The following COL5A3 variants were observed in gnomAD, a reference collection of about 807,000 sequenced individuals.
COL5A3 encodes the protein collagen alpha-3(V) chain.
In COL5A3, 172 loss-of-function variants were observed where a neutral mutation model predicts 250.0. That is an observed-to-expected ratio of 0.69 (90% CI 0.61 to 0.78). The LOEUF is 0.78. Among genes scored for constraint, COL5A3 ranks in the 30% least tolerant of loss-of-function variants. COL5A3 has a pLI of 0.00. For synonymous variants in COL5A3, 937 were observed against 900.4 expected, an observed-to-expected ratio of 1.04 and a Z score of -0.73; for missense variants, 2,340 against 2,334.4, an observed-to-expected ratio of 1.00 and a Z score of -0.05.
intron 65 of COL5A3, 105 bp from the exon 66 acceptor site, chr19:9,960,995 C>T (rs1006072896): frequency 7.1e-7 from 1 of 1,399,698 alleles, no homozygotes; most frequent in Non-Finnish European, 9.8e-7. Flanking sequence ...CCACCCCCCC[C>T]ATGTCACCAT....
Position 9,960,005 on chromosome 19 carries a change from A to C in COL5A3, c.*406T>G. 4.5e-6 allele frequency: 1 copy of C among 220,512 alleles called. No homozygotes were observed. Among genetic ancestry groups the C allele is most frequent in the Non-Finnish European group, 9.2e-6 (1 of 109,232 alleles). 13.7% of individuals were successfully genotyped at this position (220,512 alleles called of 1,614,324 possible). ...GGGATCAGGAGACATCCAGTGCTTAACTCTGGGGAGGGGTAGCACCAAAAG... is the reference window on the plus strand; with the variant it reads ...GGGATCAGGAGACATCCAGTGCTTACCTCTGGGGAGGGGTAGCACCAAAAG... On this transcript the variant is annotated 3_prime_UTR_variant, in exon 67 of 67. Transcript: ENST00000264828.
rs780880167 is a variant in COL5A3 at position 10,001,831 on chromosome 19, C to T, written c.900G>A (p.Pro300=). 1.9e-5 allele frequency: 31 copies of T among 1,613,870 alleles called. 1 individual carries two copies. The Admixed American group carries it at 2.8e-4, about 15-fold the overall frequency. ...AGGTGACGACCAAAGGCGTGGGGGT[C>T]GGAGGCAGATTTGGAGCTGGAGTCT... ...KTETPAPNLP[P]TPTPLVVTST... Residue 300 remains proline (P), a synonymous_variant, in exon 7 of 67, where the codon CCG becomes CCA. Coordinates refer to ENST00000264828, the MANE Select transcript of COL5A3 (RefSeq NM_015719.4).
At chr19:10,002,649 G>A (rs2087381353) in intron 6 of COL5A3, among the ~76,000 whole-genome samples, 1 of 152,016 alleles carries the variant, frequency 6.6e-6, no homozygotes, top group South Asian at 2.1e-4. Flanking sequence ...GCACTAACTA[G>A]TGACTCTCCA....
intron 31 of COL5A3, among the ~76,000 whole-genome samples, chr19:9,983,526 AAAG>A (rs1274066712): frequency 3.2e-5 from 4 of 125,670 alleles, no homozygotes; most frequent in Non-Finnish European, 5.0e-5. Context: ...AAGCAAAAAG[AAAG>A]AAGAAAGAAA....
In COL5A3 at chr19:10,005,696, G is replaced by C. The variant is rs1568433628; in HGVS notation, c.456C>G (p.Val152=). The C allele has an allele frequency of 6.2e-7, 1 of 1,610,650 alleles. No homozygotes were observed. ...GGGTCACCATCTCACCATCTATGCTGACGGCCACACGGTGCCACCTGCAAG... is the reference window on the plus strand; with the variant it reads ...GGGTCACCATCTCACCATCTATGCTCACGGCCACACGGTGCCACCTGCAAG... ...LTDGRWHRVA[V]SIDGEMVTLV... Residue 152 remains valine (V), a synonymous_variant, in exon 4 of 67, where the codon GTC becomes GTG. Transcript: ENST00000264828.
chr19:9,996,674 G>A lies in COL5A3; in HGVS notation c.1279C>T (p.Pro427Ser). 4 of 1,606,832 alleles carry A rather than the reference G, an allele frequency of 2.5e-6. No individual in the cohort carries two copies. The highest frequency in any genetic ancestry group is 3.4e-6 in the Non-Finnish European group (4 of 1,178,116). Reference sequence around the variant, plus strand: ...ATCCCATCAATGCCGGGGATTCCTGGGAGGCCAGCAGGGCCCTGAGAGAGG... The same window carrying A: ...ATCCCATCAATGCCGGGGATTCCTGAGAGGCCAGCAGGGCCCTGAGAGAGG... ...DPGPPGPAGL[P>S]GIPGIDGIRG... The change falls in exon 12 of 67, where the codon CCA (proline) becomes TCA (serine). Residue 427 changes from proline (P) to serine (S), a missense_variant. By Grantham distance (74) the Pro-to-Ser change is moderately conservative (BLOSUM62 -1). This residue lies in a region of COL5A3 where 1,152 missense variants were observed against 1,146.3 expected (regional missense o/e 1.00). Transcript: ENST00000264828.
chr19:10,002,574 G>C (rs150725329), intron 6 of COL5A3, among the ~76,000 whole-genome samples: 1 of 151,654 alleles, frequency 6.6e-6, no homozygotes, highest in Non-Finnish European at 1.5e-5. Flanking sequence ...GCCTCAACCT[G>C]TTACTGCTCC....
rs116608371 is a variant in COL5A3 at position 10,005,430 on chromosome 19, G to A, written c.594+128C>T. The A allele has an allele frequency of 8.8e-4, 800 of 909,258 alleles. 6 individuals carry two copies. In the African/African-American group the frequency reaches 0.011, roughly 13 times the overall value. The allele number at this position is 909,258 out of a possible 1,614,324, so 56.3% of individuals were successfully genotyped here. A position where few individuals can be genotyped will look rare whatever the true frequency, so the allele number is the denominator to read the frequency against. On this transcript the variant is annotated intron_variant, in intron 4 of 66. Coordinates refer to ENST00000264828, the MANE Select transcript of COL5A3 (RefSeq NM_015719.4). Reference sequence around the variant, plus strand: ...CAACGGTGCACGAAAGCATGAACTCGCTTCCCTTAGCTTCCTGGGGATAGA... The same window carrying A: ...CAACGGTGCACGAAAGCATGAACTCACTTCCCTTAGCTTCCTGGGGATAGA...
In COL5A3 at chr19:9,968,250, CCA is replaced by C; in HGVS notation, c.4314+133_4314+134del. 1 of 988,930 alleles carries C rather than the reference CCA, an allele frequency of 1.0e-6. No homozygotes were observed. The highest frequency in any genetic ancestry group is 2.5e-5 in the East Asian group (1 of 40,230). 61.3% of individuals were successfully genotyped at this position (988,930 alleles called of 1,614,324 possible). Reference sequence around the variant, plus strand: ...GACGCAGCCTCCAACTTGCCAGTTCCCAGATACATCCCCCTATTTTCCCCACA... The same window carrying C: ...GACGCAGCCTCCAACTTGCCAGTTCCGATACATCCCCCTATTTTCCCCACA... On this transcript the variant is annotated intron_variant, in intron 59 of 66. Transcript: ENST00000264828. This position sits in a 1 kb window ranked among gnomAD's most constrained non-coding sequence, Gnocchi z 4.1.
rs2087217135 is a variant in COL5A3, at chr19:9,993,063, G to A, written c.1754C>T (p.Ala585Val). The A allele has an allele frequency of 2.5e-6, 4 of 1,613,846 alleles. No homozygotes were observed. The highest frequency in any genetic ancestry group is 3.4e-6 in the Non-Finnish European group (4 of 1,179,888). The change falls in exon 20 of 67, where the codon GCA (alanine) becomes GTA (valine). Residue 585 changes from alanine to valine, a missense_variant. Coordinates refer to ENST00000264828, the MANE Select transcript of COL5A3 (RefSeq NM_015719.4). ...GPPGEDGERG[A>V]EGPPGPTGQA... ...GCCAGTGGGCCCTGGAGGTCCCTCTGCTCCCTGTGGAAAAGCGTCATTACT... is the reference window on the plus strand; with the variant it reads ...GCCAGTGGGCCCTGGAGGTCCCTCTACTCCCTGTGGAAAAGCGTCATTACT...
chr19:9,969,270 A>G, intron 57 of COL5A3, 79 bp downstream of exon 57: 1 of 1,273,988 alleles, frequency 7.8e-7, no homozygotes, highest in South Asian at 1.4e-5. Flanking sequence ...GCTAGCCTGC[A>G]CCAATGCTCA....
chr19:9,985,699 C>A, intron 31 of COL5A3, 143 bp downstream of exon 31: 1 of 750,280 alleles, frequency 1.3e-6, no homozygotes, highest in Admixed American at 2.2e-5. Context: ...AGCCACTATG[C>A]CTGGCCAAAG....
At chr19:9,974,259 TAGGG>T (rs1483660364) in intron 46 of COL5A3, 35 bp from the exon 47 acceptor site, 2 of 1,612,190 alleles carry the variant, frequency 1.2e-6, no homozygotes, top group African/African-American at 2.7e-5. Context: ...GGGCACCAGG[TAGGG>T]AGAATCAGAA....
chr19:10,001,748 C>T lies in COL5A3; in HGVS notation c.963+20G>A, dbSNP rs370400851. On this transcript the variant is annotated intron_variant, in intron 7 of 66. Transcript: ENST00000264828. ...ACCCCCGTAACCCTTGGGGTCTCCC[C>T]TCTTCCATCCCCATCCAACCTCTAG... The T allele has an allele frequency of 3.7e-6, 6 of 1,613,268 alleles. No individual in the cohort carries two copies. Among genetic ancestry groups the T allele is most frequent in the Middle Eastern group, 1.6e-4 (1 of 6,082 alleles).
Position 10,009,431 on chromosome 19 carries a change from C to G in COL5A3, c.88+867G>C, listed in dbSNP as rs535002224. 3.4e-4 allele frequency among the ~76,000 whole-genome samples: 51 copies of G among 150,452 alleles called. No individual in the cohort carries two copies. The South Asian group carries it at 7.5e-3, about 22-fold the overall frequency. On this transcript the variant is annotated intron_variant, in intron 1 of 66. Coordinates refer to ENST00000264828, the MANE Select transcript of COL5A3 (RefSeq NM_015719.4). The surrounding 1 kb of genome is among the most constrained non-coding windows in gnomAD (Gnocchi z 4.4). Reference sequence around the variant, plus strand: ...ACCCATCCGGCGGCCCCCGGGACCCCTTGGGGGCTCCTGAGAAATTCCTCG... The same window carrying G: ...ACCCATCCGGCGGCCCCCGGGACCCGTTGGGGGCTCCTGAGAAATTCCTCG...
intron 4 of COL5A3, among the ~76,000 whole-genome samples, chr19:10,005,028 A>G (rs1046409046): frequency 3.3e-5 from 5 of 150,638 alleles, no homozygotes; most frequent in African/African-American, 1.2e-4. Context: ...GCACAACTGG[A>G]TCTTCCCACA....
Position 9,977,280 on chromosome 19 carries a change from C to T in COL5A3, c.3237G>A (p.Gly1079=), listed in dbSNP as rs1208491762. ...AGPSGEEGDK[G]DVGAPGHKGS... The stretch of plus-strand genomic sequence containing the variant: ...CCTTGTGTCCGGGGGCACCCACATC[C>T]CCCTGCAGAGGAAATGGGATGAAGG... Residue 1079 remains glycine (G), a splice_region_variant and synonymous_variant, in exon 44 of 67, where the codon GGG becomes GGA. Transcript: ENST00000264828. 2.5e-6 allele frequency: 4 copies of T among 1,614,022 alleles called. No homozygotes were observed. In the African/African-American group the frequency reaches 5.3e-5, roughly 22 times the overall value.
chr19:9,985,936 TG>T (rs1276815949), intron 30 of COL5A3, 41 bp from the exon 31 acceptor site: 2 of 1,597,744 alleles, frequency 1.3e-6, no homozygotes, highest in Non-Finnish European at 8.6e-7. Context: ...AATTGCAACC[TG>T]GAGGTCAGAG....
At position 9,968,303 on chromosome 19, in the gene COL5A3, G is replaced by T; in HGVS notation, c.4314+82C>A. ...CACACCCTCATTAATCCAGACCCAC[G>T]TTTCCCAGACCCCACACCCACAGTC... On this transcript the variant is annotated intron_variant, in intron 59 of 66. Coordinates refer to ENST00000264828, the MANE Select transcript of COL5A3 (RefSeq NM_015719.4). The surrounding 1 kb of genome is among the most constrained non-coding windows in gnomAD (Gnocchi z 4.1). 2 of 1,232,588 alleles carry T rather than the reference G, an allele frequency of 1.6e-6. No homozygotes were observed. The highest frequency in any genetic ancestry group is 2.4e-4 in the Middle Eastern group (1 of 4,162). 76.4% of individuals were successfully genotyped at this position (1,232,588 alleles called of 1,614,324 possible).
Sources: allele counts gnomAD v4.1 joint callset (sites outside exome capture counted in the v4.1 genomes callset), GRCh38; gene constraint gnomAD v4.1.1; regional missense constraint gnomAD v4.1.1; non-coding constraint Gnocchi (gnomAD v3.1); transcripts MANE v1.5; gene names NCBI Gene and HGNC (gene_info 2026-07-23, HGNC 2026-07-21).